The following ZC3H15 variants were observed in gnomAD, a reference collection of about 807,000 sequenced individuals.
ZC3H15 encodes the protein zinc finger CCCH-type containing 15.
A neutral mutation model predicts 51.2 loss-of-function variants in ZC3H15; 15 were observed. The observed-to-expected ratio is 0.29, with a 90% CI of 0.20 to 0.45. The LOEUF (loss-of-function observed/expected upper bound fraction) is 0.45. Ranked by LOEUF, ZC3H15 falls within the 20% of genes least tolerant of loss-of-function variation. The pLI, the probability that ZC3H15 is intolerant of heterozygous loss-of-function variation, is 1.00. For synonymous variants in ZC3H15, 144 were observed against 162.8 expected (o/e 0.88, Z 0.88); for missense variants, 381 against 494.7 (o/e 0.77, Z 2.18).
rs746661683 is a variant in ZC3H15 at position 186,508,547 on chromosome 2, C to G, written c.1095C>G (p.Asn365Lys). 1 of 1,613,112 alleles carries G rather than the reference C, an allele frequency of 6.2e-7. No homozygotes were observed. The highest frequency in any genetic ancestry group is 1.1e-5 in the South Asian group (1 of 90,990). Residue 365 changes from asparagine (N) to lysine (K), a missense_variant, in exon 10 of 10, where the codon AAC becomes AAG. Coordinates refer to ENST00000337859, the MANE Select transcript of ZC3H15 (RefSeq NM_018471.3). ...GATTCCAGTTTTTATATTTAGAAAA[C>G]AAATTAAGTGAAGCTTCTGGAGGTA... is the stretch of plus-strand genomic sequence containing the variant. ...FSTYTSDKDENKLSEASGGRA... is the reference protein window; with the variant it reads ...FSTYTSDKDEKKLSEASGGRA...
At chr2:186,507,085 TTCGGG>T (rs1685481560) in intron 9 of ZC3H15, among the ~76,000 whole-genome samples, 1 of 152,188 alleles carries the variant, frequency 6.6e-6, no homozygotes, top group Non-Finnish European at 1.5e-5. Context: ...ATGAGTTCAC[TTCGGG>T]ACCTCATGAG....
chr2:186,507,535 T>G (rs1697649997), intron 9 of ZC3H15: 2 of 454,616 alleles, frequency 4.4e-6, no homozygotes, highest in Non-Finnish European at 4.4e-6. Context: ...AAAGTATAAA[T>G]AATGAGTTAG....
rs755377363 is a variant in ZC3H15 at position 186,501,265 on chromosome 2, T to C, written c.290-8T>C. The C allele has an allele frequency of 6.3e-7, 1 of 1,596,106 alleles. No individual in the cohort carries two copies. Among genetic ancestry groups the C allele is most frequent in the South Asian group, 1.1e-5 (1 of 87,670 alleles). On this transcript the variant is annotated splice_polypyrimidine_tract_variant and splice_region_variant and intron_variant, in intron 3 of 9. Transcript: ENST00000337859. Reference sequence around the variant, plus strand: ...TATAATACAAATACCATATGCCATTTGACATAGGTGCAGATCCCAAGTCTG... The same window carrying C: ...TATAATACAAATACCATATGCCATTCGACATAGGTGCAGATCCCAAGTCTG...
chr2:186,507,007 G>T (rs1330013872), intron 9 of ZC3H15, among the ~76,000 whole-genome samples, 171 bp downstream of exon 9: 1 of 152,188 alleles, frequency 6.6e-6, no homozygotes, highest in Non-Finnish European at 1.5e-5. Flanking sequence ...GACATGAGCA[G>T]CTGGGTGTAT....
In ZC3H15 at chr2:186,501,316, A is replaced by T. The variant is rs1685380315; in HGVS notation, c.333A>T (p.Gly111=). ...TAGTATGTGCATTCTTCAAGCAAGGACAGTGTACTAAAGGAGATAAGTGTA... is the reference window on the plus strand; with the variant it reads ...TAGTATGTGCATTCTTCAAGCAAGGTCAGTGTACTAAAGGAGATAAGTGTA... ...KSVVCAFFKQ[G]QCTKGDKCKF... The change falls in exon 4 of 10, where the codon GGA becomes GGT. Residue 111 remains glycine, a synonymous_variant. Transcript: ENST00000337859. 1 of 1,613,120 alleles carries T rather than the reference A, an allele frequency of 6.2e-7. No homozygotes were observed. Among genetic ancestry groups the T allele is most frequent in the African/African-American group, 1.3e-5 (1 of 74,922 alleles).
intron 2 of ZC3H15, chr2:186,497,216 A>C (rs1176196353): frequency 2.5e-6 from 1 of 397,400 alleles, no homozygotes; most frequent in African/African-American, 2.1e-5. Context: ...AGAATTTCTC[A>C]TGTGTTTACA....
intron 4 of ZC3H15, 32 bp downstream of exon 4, chr2:186,501,457 A>G (rs779124332): frequency 6.3e-7 from 1 of 1,584,534 alleles, no homozygotes; most frequent in South Asian, 1.1e-5. Flanking sequence ...TCTTAAAAAT[A>G]AATGTTGAAT....
chr2:186,495,138 T>C (rs1456854473), intron 1 of ZC3H15, 95 bp from the exon 2 acceptor site: 1 of 709,334 alleles, frequency 1.4e-6, no homozygotes, highest in Non-Finnish European at 2.2e-6. Flanking sequence ...TAGTAAAGAA[T>C]AATTATCAAT....
At chr2:186,504,461 T>C (rs921597133) in intron 6 of ZC3H15, among the ~76,000 whole-genome samples, 3 of 152,250 alleles carry the variant, frequency 2.0e-5, no homozygotes, top group Non-Finnish European at 4.4e-5. Context: ...TAATGGCTTA[T>C]CAAATTATTT....
At chr2:186,494,142 C>A (rs72899312) in intron 1 of ZC3H15, among the ~76,000 whole-genome samples, 4,793 of 151,884 alleles carry the variant, frequency 0.032, 116 homozygotes, top group Middle Eastern at 0.082. Context: ...CCAAGGATCA[C>A]CATTAGTGCT....
At position 186,496,845 on chromosome 2, in the gene ZC3H15, A is replaced by G. The variant is rs561231296; in HGVS notation, c.177+1511A>G. Among the ~76,000 whole-genome samples the G allele has an allele frequency of 1.7e-3, 256 of 152,220 alleles. 1 individual carries two copies. Among genetic ancestry groups the G allele is most frequent in the Non-Finnish European group, 2.7e-3 (184 of 68,028 alleles). ...AGAAAAGATAGAGTAAAAATATGGTATTATAACCTTACAGGATTACTGTCA... is the reference window on the plus strand; with the variant it reads ...AGAAAAGATAGAGTAAAAATATGGTGTTATAACCTTACAGGATTACTGTCA... On this transcript the variant is annotated intron_variant, in intron 2 of 9. Transcript: ENST00000337859.
rs376366017 is a variant in ZC3H15 at position 186,496,406 on chromosome 2, C to A, written c.177+1072C>A. On this transcript the variant is annotated intron_variant, in intron 2 of 9. Coordinates refer to ENST00000337859, the MANE Select transcript of ZC3H15 (RefSeq NM_018471.3). ...CTAATTTTTGTATTTTTTGTAGAGA[C>A]GGGATTTCGCCGTGTCACCCAGGGT... Among the ~76,000 whole-genome samples the A allele has an allele frequency of 9.9e-4, 150 of 152,224 alleles. 2 individuals are homozygous for A. The highest frequency in any genetic ancestry group is 3.4e-3 in the Middle Eastern group (1 of 294).
chr2:186,496,839 T>C (rs1221578725), intron 2 of ZC3H15, among the ~76,000 whole-genome samples: 4 of 152,276 alleles, frequency 2.6e-5, no homozygotes, highest in Middle Eastern at 3.4e-3. Flanking sequence ...AGAGTAAAAA[T>C]ATGGTATTAT....
intron 6 of ZC3H15, 40 bp downstream of exon 6, chr2:186,504,254 G>A: frequency 1.4e-6 from 2 of 1,476,556 alleles, no homozygotes; most frequent in Non-Finnish European, 1.8e-6. Context: ...ACTGAAAGCA[G>A]TATTTATTGT....
chr2:186,491,525 T>TG (rs1685199292), intron 1 of ZC3H15, among the ~76,000 whole-genome samples: 1 of 152,196 alleles, frequency 6.6e-6, no homozygotes, highest in African/African-American at 2.4e-5. Context: ...TGTCCACCAC[T>TG]GTCTCTCTGA....
In ZC3H15 at chr2:186,506,793, A is replaced by T. The variant is rs115750024; in HGVS notation, c.1047A>T (p.Val349=). The stretch of plus-strand genomic sequence containing the variant: ...ATGTAGATGAAACAGGTATTACTGT[A>T]GCCAGTCTTGAAAGATTCAGCACAT... The part of the protein sequence containing the change: ...PRDVDETGIT[V]ASLERFSTYT... Residue 349 remains valine, a synonymous_variant, in exon 9 of 10, where the codon GTA becomes GTT. Transcript: ENST00000337859. 974 of 1,613,790 alleles carry T rather than the reference A, an allele frequency of 6.0e-4. 5 individuals carry two copies. In the African/African-American group the frequency reaches 0.012, roughly 20 times the overall value.
rs915976068 is a variant in ZC3H15 at position 186,506,744 on chromosome 2, A to C, written c.998A>C (p.Asp333Ala). 6.2e-7 allele frequency: 1 copy of C among 1,613,668 alleles called. No individual in the cohort carries two copies. The highest frequency in any genetic ancestry group is 8.5e-7 in the Non-Finnish European group (1 of 1,179,734). Residue 333 changes from aspartate to alanine, a missense_variant, in exon 9 of 10, where the codon GAT (aspartate) becomes GCT (alanine). This residue lies in a region of ZC3H15 where 215 missense variants were observed against 241.8 expected (regional missense o/e 0.89). Transcript: ENST00000337859. The stretch of plus-strand genomic sequence containing the variant: ...GATTCAGTGAGTGTAAATGACATAG[A>C]TTTAAGCCTGTACATCCCAAGAGAT... ...VDDSVSVNDI[D>A]LSLYIPRDVD...
At chr2:186,488,154 T>C (rs921844468) in intron 1 of ZC3H15, among the ~76,000 whole-genome samples, 1 of 152,156 alleles carries the variant, frequency 6.6e-6, no homozygotes, top group Non-Finnish European at 1.5e-5. Context: ...ACATTTAATA[T>C]ATATTATTTT....
chr2:186,488,825 AT>A (rs1428647989), intron 1 of ZC3H15: 5 of 151,188 alleles, frequency 3.3e-5, no homozygotes, highest in Non-Finnish European at 7.4e-5. Flanking sequence ...TGGTGTGTCT[AT>A]TTCTCTGGGA....
Sources: gnomAD v4.1 joint callset for allele counts (sites outside exome capture counted in the v4.1 genomes callset) on GRCh38, gnomAD v4.1.1 for gene constraint, gnomAD v4.1.1 regional missense constraint, MANE v1.5 for transcripts, NCBI Gene and HGNC (gene_info 2026-07-23, HGNC 2026-07-21) for gene names.